HMCN1: variants seen among roughly 807,000 people sequenced by gnomAD.
The protein encoded by HMCN1 is hemicentin-1.
A neutral mutation model predicts 625.9 loss-of-function variants in HMCN1; 321 were observed. The observed-to-expected ratio is 0.51, with a 90% CI of 0.47 to 0.56. The LOEUF is 0.56. HMCN1 is among the 20% of genes least tolerant of loss of function. The probability of loss-of-function intolerance (pLI) is 0.00; values close to 1 mark genes in which losing one functional copy is unlikely to be tolerated. For missense variants in HMCN1, 6,588 were observed against 6,887.3 expected, an observed-to-expected ratio of 0.96 and a Z score of 1.54; for synonymous variants, 2,425 against 2,417.6, an observed-to-expected ratio of 1.00 and a Z score of -0.09.
At chr1:185,858,563 CT>C (rs1662626161) in intron 2 of HMCN1, among the ~76,000 whole-genome samples, 1 of 49,240 alleles carries the variant, frequency 2.0e-5, no homozygotes, top group Non-Finnish European at 3.2e-5. Flanking sequence ...AGCTATATGC[CT>C]ATATGCCACC....
Position 185,849,246 on chromosome 1 carries a change from G to A in HMCN1, c.339+3150G>A, listed in dbSNP as rs145620272. On this transcript the variant is annotated intron_variant, in intron 2 of 106. Coordinates refer to ENST00000271588, the MANE Select transcript of HMCN1 (RefSeq NM_031935.3). ...GGGCATTTTTGCACATGCTGTTCTC[G>A]CACAGAGAGTTCCTGTCTTTCAGTC... Among the ~76,000 whole-genome samples the A allele has an allele frequency of 3.6e-3, 541 of 152,104 alleles. 3 individuals are homozygous for A. Among genetic ancestry groups the A allele is most frequent in the African/African-American group, 0.012 (509 of 41,490 alleles).
chr1:185,913,956 C>A (rs1251375222), intron 6 of HMCN1, among the ~76,000 whole-genome samples: 1 of 152,194 alleles, frequency 6.6e-6, no homozygotes, highest in East Asian at 1.9e-4. Flanking sequence ...TTAGACAAGT[C>A]TCTAAGCTCA....
intron 8 of HMCN1, among the ~76,000 whole-genome samples, chr1:185,923,988 T>C (rs1265211880): frequency 2.6e-5 from 4 of 152,188 alleles, no homozygotes; most frequent in African/African-American, 7.2e-5. Context: ...TAAATGTTTA[T>C]ATACAATTGT....
intron 75 of HMCN1, among the ~76,000 whole-genome samples, chr1:186,115,815 A>T (rs1661105913): frequency 6.6e-6 from 1 of 151,662 alleles, no homozygotes; most frequent in East Asian, 1.9e-4. Flanking sequence ...CAATTTAGAT[A>T]TTGGCAGAAT....
At chr1:186,037,329 G>A (rs1655899489) in intron 36 of HMCN1, among the ~76,000 whole-genome samples, 1 of 152,078 alleles carries the variant, frequency 6.6e-6, no homozygotes, top group African/African-American at 2.4e-5. Context: ...ATGCCTCTCG[G>A]ACTTTACGAA....
intron 36 of HMCN1, among the ~76,000 whole-genome samples, chr1:186,028,001 T>G (rs529416987): frequency 6.6e-6 from 1 of 152,290 alleles, no homozygotes; most frequent in East Asian, 1.9e-4. Flanking sequence ...TAACTTCGGT[T>G]CAAGACTCTA....
In HMCN1 at chr1:185,933,634, G is replaced by A. The variant is rs368342167; in HGVS notation, c.1638G>A (p.Ala546=). 34 of 1,613,816 alleles carry A rather than the reference G, an allele frequency of 2.1e-5. No homozygotes were observed. The highest frequency in any genetic ancestry group is 2.7e-5 in the African/African-American group (2 of 74,898). The part of the protein sequence containing the change: ...RAVLTCLIIS[A]VDYNLTWQRN... ...TTTTAACATGTCTCATCATCAGTGC[G>A]GTGGATTACAATCTAACCTGGCAGA... The change falls in exon 11 of 107, where the codon GCG becomes GCA. Residue 546 remains alanine, a synonymous_variant. Transcript: ENST00000271588.
chr1:185,800,764 A>T (rs768787832), intron 1 of HMCN1, among the ~76,000 whole-genome samples: 30 of 152,210 alleles, frequency 2.0e-4, no homozygotes, highest in Non-Finnish European at 3.2e-4. Context: ...TAAAGAGAAA[A>T]TAAGTGTACT....
intron 4 of HMCN1, among the ~76,000 whole-genome samples, chr1:185,906,445 T>C (rs913738015): frequency 5.3e-5 from 8 of 151,880 alleles, no homozygotes; most frequent in African/African-American, 1.4e-4. Context: ...TTATATTCTG[T>C]ACCATTTGAA....
intron 4 of HMCN1, among the ~76,000 whole-genome samples, chr1:185,883,356 T>C (rs1476872567): frequency 2.0e-5 from 3 of 152,230 alleles, no homozygotes; most frequent in South Asian, 2.1e-4. Context: ...ACTACAATTA[T>C]GATACAGAAC....
intron 4 of HMCN1, among the ~76,000 whole-genome samples, chr1:185,879,593 A>C (rs755830025): frequency 6.6e-6 from 1 of 152,148 alleles, no homozygotes; most frequent in South Asian, 2.1e-4. Flanking sequence ...CCTACTTACT[A>C]TGTGTTAGAC....
At chr1:186,073,945 G>A (rs916464280) in intron 52 of HMCN1, among the ~76,000 whole-genome samples, 1 of 151,952 alleles carries the variant, frequency 6.6e-6, no homozygotes, top group Non-Finnish European at 1.5e-5. Context: ...GAAAGGGTGA[G>A]GGACAAGAAA....
rs886045664 is a variant in HMCN1 at position 185,965,791 on chromosome 1, G to T, written c.2099-11G>T. Reference sequence around the variant, plus strand: ...CTAAATGTTGACTATTTGCGTTTTTGTTTTTTTCAGAAGCCCCTAAGTTGA... The same window carrying T: ...CTAAATGTTGACTATTTGCGTTTTTTTTTTTTTCAGAAGCCCCTAAGTTGA... On this transcript the variant is annotated splice_polypyrimidine_tract_variant and intron_variant, in intron 13 of 106. Coordinates refer to ENST00000271588, the MANE Select transcript of HMCN1 (RefSeq NM_031935.3). The T allele has an allele frequency of 3.3e-6, 5 of 1,529,096 alleles. No homozygotes were observed. Among genetic ancestry groups the T allele is most frequent in the Non-Finnish European group, 4.5e-6 (5 of 1,102,896 alleles). 94.7% of individuals were successfully genotyped at this position (1,529,096 alleles called of 1,614,324 possible).
At chr1:186,096,799 C>T (rs1341921828) in intron 68 of HMCN1, among the ~76,000 whole-genome samples, 1 of 152,074 alleles carries the variant, frequency 6.6e-6, no homozygotes, top group Non-Finnish European at 1.5e-5. Context: ...ATCATATGAT[C>T]ATTTCAATAG....
At chr1:185,970,080 C>T (rs995317253) in intron 14 of HMCN1, among the ~76,000 whole-genome samples, 4 of 152,134 alleles carry the variant, frequency 2.6e-5, no homozygotes, top group Admixed American at 6.5e-5. Flanking sequence ...CAGGCTTTCC[C>T]GGTTCCCCAA....
rs762646540 is a variant in HMCN1, at chr1:186,189,492, G to T, written c.16542-20G>T. 28 of 1,611,728 alleles carry T rather than the reference G, an allele frequency of 1.7e-5. No individual in the cohort carries two copies. In the African/African-American group the frequency reaches 3.3e-4, roughly 19 times the overall value. ...TACTTCCAGATAACTATGTGTATTTGATATGTTTGTTGTCCTTAGGTTCTG... is the reference window on the plus strand; with the variant it reads ...TACTTCCAGATAACTATGTGTATTTTATATGTTTGTTGTCCTTAGGTTCTG... On this transcript the variant is annotated intron_variant, in intron 106 of 106. Coordinates refer to ENST00000271588, the MANE Select transcript of HMCN1 (RefSeq NM_031935.3).
At chr1:186,004,178 A>C (rs1235663417) in intron 29 of HMCN1, among the ~76,000 whole-genome samples, 1 of 152,188 alleles carries the variant, frequency 6.6e-6, no homozygotes, top group Non-Finnish European at 1.5e-5. Flanking sequence ...CTGTCTTATT[A>C]AAAAGGAAAA....
At chr1:185,839,275 C>G (rs550545163) in intron 1 of HMCN1, among the ~76,000 whole-genome samples, 6 of 152,264 alleles carry the variant, frequency 3.9e-5, no homozygotes, top group African/African-American at 1.2e-4. Context: ...GCAATTAAAA[C>G]TTTGAAATGA....
intron 4 of HMCN1, among the ~76,000 whole-genome samples, chr1:185,876,410 C>A (rs552761783): frequency 3.3e-5 from 5 of 151,788 alleles, no homozygotes; most frequent in African/African-American, 4.8e-5. Context: ...CAATTTTTTT[C>A]CTTTGGGTAG....
Sources: allele counts gnomAD v4.1 joint callset (sites outside exome capture counted in the v4.1 genomes callset), GRCh38; gene constraint gnomAD v4.1.1; transcripts MANE v1.5; gene names NCBI Gene and HGNC (gene_info 2026-07-23, HGNC 2026-07-21).